The following GABRB1 variants were observed in gnomAD, a reference collection of about 807,000 sequenced individuals.
GABRB1 encodes the protein gamma-aminobutyric acid type A receptor subunit beta1.
Under a neutral mutation model 51.6 loss-of-function variants are expected in GABRB1, and 17 were observed. The observed-to-expected ratio is 0.33, with a 90% CI of 0.23 to 0.49. The LOEUF is 0.49. GABRB1 is among the 20% of genes least tolerant of loss of function. The probability of loss-of-function intolerance (pLI) is 0.99; values close to 1 mark genes in which losing one functional copy is unlikely to be tolerated. For missense variants in GABRB1, 410 were observed against 600.6 expected, an observed-to-expected ratio of 0.68 and a Z score of 3.32; for synonymous variants, 247 against 218.9, an observed-to-expected ratio of 1.13 and a Z score of -1.14.
intron 4 of GABRB1, among the ~76,000 whole-genome samples, chr4:47,288,238 T>A (rs1233429773): frequency 7.0e-6 from 1 of 143,788 alleles, no homozygotes; most frequent in Non-Finnish European, 1.5e-5. Flanking sequence ...GAACAGGGCT[T>A]ATTACTATTA....
At chr4:47,407,001 T>A in intron 8 of GABRB1, 75 bp downstream of exon 8, 1 of 1,345,196 alleles carries the variant, frequency 7.4e-7, no homozygotes, top group Non-Finnish European at 1.0e-6. Context: ...TCTCATAACT[T>A]AAAAACGATT....
At chr4:47,098,151 A>AACACACACAC (rs59294163) in intron 3 of GABRB1, among the ~76,000 whole-genome samples, 2 of 148,228 alleles carry the variant, frequency 1.3e-5, no homozygotes, top group Admixed American at 6.7e-5. Context: ...TTTTAGTACA[A>AACACACACAC]ACACACACAC....
chr4:47,408,981 T>C (rs1416396667), intron 8 of GABRB1, among the ~76,000 whole-genome samples: 2 of 152,116 alleles, frequency 1.3e-5, no homozygotes, highest in Non-Finnish European at 2.9e-5. Flanking sequence ...GGCCCTTCAG[T>C]TGCTAAAAAA....
chr4:47,378,698 C>G (rs1393219557), intron 5 of GABRB1, among the ~76,000 whole-genome samples: 2 of 152,206 alleles, frequency 1.3e-5, no homozygotes, highest in Non-Finnish European at 2.9e-5. Flanking sequence ...GTTGGCCAGG[C>G]TGGTCTCAAA....
intron 4 of GABRB1, among the ~76,000 whole-genome samples, chr4:47,238,912 T>C (rs1294462772): frequency 6.6e-6 from 1 of 152,232 alleles, no homozygotes; most frequent in Non-Finnish European, 1.5e-5. Flanking sequence ...GAAACATTAA[T>C]GCTTCAGCTA....
chr4:47,319,992 T>C, intron 4 of GABRB1, 135 bp from the exon 5 acceptor site: 1 of 690,068 alleles, frequency 1.4e-6, no homozygotes, highest in South Asian at 1.6e-5. Flanking sequence ...TTATTCATAA[T>C]AGTTTCTTAA....
chr4:47,212,508 C>A (rs1720401242), intron 4 of GABRB1, among the ~76,000 whole-genome samples: 2 of 152,084 alleles, frequency 1.3e-5, no homozygotes, highest in Admixed American at 1.3e-4. Context: ...AAACCTGTAT[C>A]TACTAAAAAT....
At chr4:47,387,025 A>G (rs985517419) in intron 5 of GABRB1, among the ~76,000 whole-genome samples, 1 of 152,228 alleles carries the variant, frequency 6.6e-6, no homozygotes, top group African/African-American at 2.4e-5. Flanking sequence ...TTCATCCTAC[A>G]GGAATATTAC....
intron 4 of GABRB1, among the ~76,000 whole-genome samples, chr4:47,210,727 C>T (rs1175045101): frequency 6.6e-6 from 1 of 152,060 alleles, no homozygotes; most frequent in Non-Finnish European, 1.5e-5. Flanking sequence ...GGAGACTTTC[C>T]TATGAACCAG....
At chr4:47,105,313 T>C (rs1714914169) in intron 3 of GABRB1, among the ~76,000 whole-genome samples, 1 of 151,968 alleles carries the variant, frequency 6.6e-6, no homozygotes, top group Admixed American at 6.6e-5. Flanking sequence ...CTCTCTTTTA[T>C]CTCTCTCTCT....
intron 3 of GABRB1, among the ~76,000 whole-genome samples, chr4:47,112,105 G>T (rs896150915): frequency 2.0e-5 from 3 of 151,814 alleles, no homozygotes; most frequent in African/African-American, 7.3e-5. Context: ...GAGTAGCTGG[G>T]ACTACAGGCG....
chr4:47,257,502 A>T (rs1722259455), intron 4 of GABRB1, among the ~76,000 whole-genome samples: 1 of 151,730 alleles, frequency 6.6e-6, no homozygotes, highest in African/African-American at 2.4e-5. Context: ...TTGAAATCTC[A>T]CAGTTTGACA....
At chr4:47,288,733 T>C (rs1401146482) in intron 4 of GABRB1, among the ~76,000 whole-genome samples, 1 of 152,210 alleles carries the variant, frequency 6.6e-6, no homozygotes, top group African/African-American at 2.4e-5. Flanking sequence ...AATTTTCAAA[T>C]GCTTTATAGG....
chr4:47,078,563 T>G (rs972672874), intron 3 of GABRB1, among the ~76,000 whole-genome samples: 1 of 152,212 alleles, frequency 6.6e-6, no homozygotes, highest in African/African-American at 2.4e-5. Flanking sequence ...CTGACTTTTA[T>G]GTCAGCTTTG....
intron 3 of GABRB1, among the ~76,000 whole-genome samples, chr4:47,135,994 T>G (rs1716633661): frequency 6.6e-6 from 1 of 151,978 alleles, no homozygotes; most frequent in South Asian, 2.1e-4. Context: ...TTGTGGGGTT[T>G]GTTTGTTTGT....
intron 1 of GABRB1, among the ~76,000 whole-genome samples, chr4:47,024,472 G>A (rs891591361): frequency 1.3e-5 from 2 of 151,956 alleles, no homozygotes; most frequent in Admixed American, 6.6e-5. Flanking sequence ...TTCAGCTTTA[G>A]TATGTAGTAG....
chr4:47,315,646 G>C (rs954304209), intron 4 of GABRB1, among the ~76,000 whole-genome samples: 2 of 151,870 alleles, frequency 1.3e-5, no homozygotes, highest in African/African-American at 4.8e-5. Context: ...CCCATTAACA[G>C]TAGACTGGAT....
At chr4:47,231,104 C>A (rs961819586) in intron 4 of GABRB1, among the ~76,000 whole-genome samples, 34 of 152,288 alleles carry the variant, frequency 2.2e-4, no homozygotes, top group Admixed American at 4.6e-4. Flanking sequence ...TGAGTCCCAA[C>A]CTTTGTCCCT....
intron 4 of GABRB1, among the ~76,000 whole-genome samples, chr4:47,215,175 C>T (rs904550060): frequency 1.1e-4 from 17 of 151,970 alleles, no homozygotes; most frequent in Non-Finnish European, 2.1e-4. Context: ...ATGGGACACC[C>T]ACAATAATGG....
Sources: gnomAD v4.1 joint callset for allele counts (sites outside exome capture counted in the v4.1 genomes callset) on GRCh38, gnomAD v4.1.1 for gene constraint, MANE v1.5 for transcripts, NCBI Gene and HGNC (gene_info 2026-07-23, HGNC 2026-07-21) for gene names.